HERC3: variants seen among roughly 807,000 people sequenced by gnomAD.
The protein encoded by HERC3 is probable E3 ubiquitin-protein ligase HERC3.
Under a neutral mutation model 129.9 loss-of-function variants are expected in HERC3, and 58 were observed. The ratio of observed to expected loss-of-function variants is 0.45; its 90% CI spans 0.36 to 0.56. The LOEUF is 0.56. HERC3 is among the 20% of genes least tolerant of loss of function. The pLI, the probability that HERC3 is intolerant of heterozygous loss-of-function variation, is 0.00. For synonymous variants in HERC3, 430 were observed against 451.0 expected (o/e 0.95, Z 0.59); for missense variants, 835 against 1,244.2 (o/e 0.67, Z 4.95).
At chr4:88,531,467 A>G in the HERC3 span, among the ~76,000 whole-genome samples, 1 of 152,258 alleles carries the variant, frequency 6.6e-6, no homozygotes, top group Admixed American at 6.5e-5. Flanking sequence ...ACAAGAAAAT[A>G]TCCAGATAAG....
chr4:88,652,845 A>C, intron 5 of HERC3, 24 bp from the exon 6 acceptor site: 1 of 1,588,928 alleles, frequency 6.3e-7, no homozygotes, highest in Non-Finnish European at 8.6e-7. Context: ...TTTTATGGTA[A>C]TACCAGTTAT....
chr4:88,663,558 A>G (rs941381754), intron 11 of HERC3, among the ~76,000 whole-genome samples: 12 of 152,102 alleles, frequency 7.9e-5, no homozygotes, highest in African/African-American at 2.2e-4. Context: ...CCCCAGCTGT[A>G]TATTTGTGTT....
At chr4:88,698,708 ACTAT>A (rs918907338) in intron 23 of HERC3, among the ~76,000 whole-genome samples, 6 of 142,592 alleles carry the variant, frequency 4.2e-5, no homozygotes, top group African/African-American at 1.3e-4. Flanking sequence ...TGCCTTCCCC[ACTAT>A]CTGTTTTCAC....
At chr4:88,558,311 T>C in the HERC3 span, among the ~76,000 whole-genome samples, 1 of 152,150 alleles carries the variant, frequency 6.6e-6, no homozygotes, top group Non-Finnish European at 1.5e-5. Context: ...CATGGAATAC[T>C]ACTCAGCCAC....
the HERC3 span, among the ~76,000 whole-genome samples, chr4:88,549,481 A>G: frequency 9.2e-5 from 14 of 152,056 alleles, no homozygotes; most frequent in African/African-American, 3.1e-4. Flanking sequence ...CCCTTTATGG[A>G]GTCCCCAAAT....
At chr4:88,593,511 G>A (rs980019832) in intron 1 of HERC3, 1 of 152,276 alleles carries the variant, frequency 6.6e-6, no homozygotes, top group African/African-American at 2.4e-5. Flanking sequence ...GAACTTTGCT[G>A]TTGGTCTGTC....
the HERC3 span, among the ~76,000 whole-genome samples, chr4:88,549,329 A>AC: frequency 2.6e-5 from 4 of 151,840 alleles, no homozygotes; most frequent in African/African-American, 7.3e-5. Context: ...TTAAAAAAAA[A>AC]AACAGCATTT....
chr4:88,541,064 A>C, the HERC3 span, among the ~76,000 whole-genome samples: 7 of 152,356 alleles, frequency 4.6e-5, no homozygotes, highest in South Asian at 1.5e-3. Flanking sequence ...CTAACATCAT[A>C]ATGACAGGAT....
the HERC3 span, among the ~76,000 whole-genome samples, chr4:88,577,734 C>T: frequency 6.6e-6 from 1 of 151,568 alleles, no homozygotes; most frequent in South Asian, 2.1e-4. Flanking sequence ...AACAGATTTA[C>T]TTTATAAACT....
the HERC3 span, among the ~76,000 whole-genome samples, chr4:88,576,127 T>A: frequency 6.6e-6 from 1 of 152,196 alleles, no homozygotes; most frequent in African/African-American, 2.4e-5. Flanking sequence ...TACCTTCAAA[T>A]TAGCTCTTGA....
chr4:88,562,942 CCA>C, the HERC3 span, among the ~76,000 whole-genome samples: 1 of 152,110 alleles, frequency 6.6e-6, no homozygotes, highest in Non-Finnish European at 1.5e-5. Context: ...TATGATTTCT[CCA>C]GTTTTGTTTC....
chr4:88,680,953 C>G, intron 20 of HERC3: 1 of 934,854 alleles, frequency 1.1e-6, no homozygotes, highest in East Asian at 1.2e-4. Context: ...CTCTGTATCA[C>G]TAGGTACAAA....
At chr4:88,670,313 G>A in intron 16 of HERC3, 61 bp downstream of exon 16, 9 of 1,114,536 alleles carry the variant, frequency 8.1e-6, no homozygotes, top group Non-Finnish European at 1.1e-5. Flanking sequence ...GCACATGTGA[G>A]CTGTATAATA....
intron 23 of HERC3, chr4:88,690,747 C>A: frequency 2.8e-6 from 1 of 362,392 alleles, no homozygotes; most frequent in South Asian, 1.1e-4. Flanking sequence ...CTTTTTTGTT[C>A]TCTTTCTGAG....
the HERC3 span, among the ~76,000 whole-genome samples, chr4:88,584,225 A>T: frequency 6.6e-6 from 1 of 152,070 alleles, no homozygotes; most frequent in Admixed American, 6.5e-5. Flanking sequence ...TAGATGCATT[A>T]CTCATCTTAA....
At chr4:88,549,322 A>T in the HERC3 span, among the ~76,000 whole-genome samples, 2,862 of 149,896 alleles carry the variant, frequency 0.019, 60 homozygotes, top group African/African-American at 0.049. Flanking sequence ...ACTTTTTTTA[A>T]AAAAAAAAAC....
the HERC3 span, among the ~76,000 whole-genome samples, chr4:88,540,438 G>A: frequency 6.6e-6 from 1 of 152,132 alleles, no homozygotes. Context: ...GAGAAATATG[G>A]GACTATGTGA....
chr4:88,674,124 T>G (rs746724684), intron 16 of HERC3, among the ~76,000 whole-genome samples: 2 of 152,106 alleles, frequency 1.3e-5, no homozygotes, highest in Non-Finnish European at 2.9e-5. Context: ...CAAATCTGGG[T>G]TCCTTCACCT....
At chr4:88,558,087 A>AG in the HERC3 span, among the ~76,000 whole-genome samples, 1 of 150,710 alleles carries the variant, frequency 6.6e-6, no homozygotes, top group Non-Finnish European at 1.5e-5. Flanking sequence ...AAAAAAAAAA[A>AG]AAAAAAAAGA....
Sources: gnomAD v4.1 joint callset for allele counts (sites outside exome capture counted in the v4.1 genomes callset) on GRCh38, gnomAD v4.1.1 for gene constraint, MANE v1.5 for transcripts, NCBI Gene and HGNC (gene_info 2026-07-23, HGNC 2026-07-21) for gene names.